The following INSC variants were observed in gnomAD, a reference collection of about 807,000 sequenced individuals.
INSC encodes the protein INSC spindle orientation adaptor protein, also known as protein inscuteable homolog.
Under a neutral mutation model 58.6 loss-of-function variants are expected in INSC, and 67 were observed. The ratio of observed to expected loss-of-function variants is 1.14; its 90% confidence interval spans 0.94 to 1.40. The LOEUF (loss-of-function observed/expected upper bound fraction) is 1.40, where lower values mean the gene tolerates loss of function less well. Ranked by LOEUF, INSC falls within the 40% of genes most tolerant of loss-of-function variation. The pLI, the probability that INSC is intolerant of heterozygous loss-of-function variation, is 0.00. For missense variants in INSC, 714 were observed against 692.0 expected (o/e 1.03, Z -0.36); for synonymous variants, 262 against 276.1 (o/e 0.95, Z 0.51).
At chr11:15,265,592 T>A in the INSC span, among the ~76,000 whole-genome samples, 1 of 151,848 alleles carries the variant, frequency 6.6e-6, no homozygotes, top group Admixed American at 6.6e-5. Flanking sequence ...TTTATTACCT[T>A]TTAAATTCTA....
intron 4 of INSC, among the ~76,000 whole-genome samples, 163 bp downstream of exon 4, chr11:15,177,326 A>C (rs780126744): frequency 2.0e-5 from 3 of 152,066 alleles, no homozygotes; most frequent in Admixed American, 6.5e-5. Context: ...TATTCTCTTG[A>C]AATTTTCTGC....
Position 15,239,994 on chromosome 11 carries a change from T to C in INSC, c.1394-453T>C, listed in dbSNP as rs775787458. ...ACACAGACTGCATTTGCATACCTTC[T>C]ACTACTATCGTATAATGAGGGTGTC... On this transcript the variant is annotated intron_variant, in intron 11 of 12. Coordinates refer to ENST00000379556, the MANE Select transcript of INSC (RefSeq NM_001042536.3). 2.6e-5 allele frequency among the ~76,000 whole-genome samples: 4 copies of C among 152,324 alleles called. No homozygotes were observed. The South Asian group carries it at 8.3e-4, about 32-fold the overall frequency.
downstream of INSC, among the ~76,000 whole-genome samples, chr11:15,249,757 G>A (rs1168605443): frequency 6.6e-6 from 1 of 152,180 alleles, no homozygotes; most frequent in African/African-American, 2.4e-5. Context: ...CCTTGGCTCT[G>A]CCGCATGGTT....
At chr11:15,219,334 T>C (rs1482759209) in intron 7 of INSC, among the ~76,000 whole-genome samples, 1 of 152,182 alleles carries the variant, frequency 6.6e-6, no homozygotes, top group Non-Finnish European at 1.5e-5. Flanking sequence ...GTCTCCCAAC[T>C]GAGGCGTGTT....
chr11:15,136,344 C>G (rs1257721407), intron 1 of INSC, among the ~76,000 whole-genome samples: 1 of 152,056 alleles, frequency 6.6e-6, no homozygotes, highest in Non-Finnish European at 1.5e-5. Context: ...ATGTTGATGT[C>G]TGCTGACTAA....
intron 1 of INSC, among the ~76,000 whole-genome samples, chr11:15,124,383 C>T (rs972868418): frequency 1.3e-5 from 2 of 152,186 alleles, no homozygotes; most frequent in African/African-American, 2.4e-5. Context: ...CTGGCTTCCC[C>T]TCTTTCATTG....
intron 7 of INSC, among the ~76,000 whole-genome samples, chr11:15,219,640 G>A (rs1161688705): frequency 2.0e-5 from 3 of 152,182 alleles, no homozygotes; most frequent in Admixed American, 2.0e-4. Flanking sequence ...ATTAGGGCAA[G>A]TTACTGGTTT....
intron 1 of INSC, among the ~76,000 whole-genome samples, chr11:15,123,336 G>C (rs937125755): frequency 1.3e-5 from 2 of 152,124 alleles, no homozygotes; most frequent in Non-Finnish European, 2.9e-5. Context: ...GTGAGTGTTG[G>C]AACCATGTCT....
intron 7 of INSC, among the ~76,000 whole-genome samples, chr11:15,211,806 C>A (rs906842929): frequency 7.3e-5 from 11 of 151,690 alleles, no homozygotes; most frequent in African/African-American, 1.9e-4. Flanking sequence ...TGAAGTGATA[C>A]CTTTTTCTTT....
intron 1 of INSC, 44 bp from the exon 2 acceptor site, chr11:15,149,086 C>A (rs1163433930): frequency 6.6e-7 from 1 of 1,510,048 alleles, no homozygotes; most frequent in Non-Finnish European, 8.9e-7. Flanking sequence ...GATTGTGCCT[C>A]CTCTTTTAGG....
rs1850126080 is a variant in INSC at position 15,190,555 on chromosome 11, A to T, written c.580-146A>T. The T allele has an allele frequency of 2.1e-5, 14 of 682,066 alleles. No homozygotes were observed. The South Asian group carries it at 2.4e-4, about 11-fold the overall frequency. 42.3% of individuals were successfully genotyped at this position (682,066 alleles called of 1,614,324 possible). On this transcript the variant is annotated intron_variant, in intron 5 of 12. Transcript: ENST00000379556. ...ATACCTTTCCCAAAGCTAGAACTTC[A>T]TTGCACTCACAATGAGGCAGTAGCT...
the INSC span, among the ~76,000 whole-genome samples, chr11:15,252,211 T>C: frequency 2.1e-4 from 32 of 152,170 alleles, no homozygotes; most frequent in African/African-American, 7.7e-4. Context: ...TTAGTTGTTG[T>C]CAGGGGATTT....
At chr11:15,176,735 T>G (rs1020142754) in intron 3 of INSC, among the ~76,000 whole-genome samples, 1 of 152,216 alleles carries the variant, frequency 6.6e-6, no homozygotes, top group South Asian at 2.1e-4. Context: ...AAAATCTCCC[T>G]TGTTATTAAT....
rs149556454 is a variant in INSC, at chr11:15,239,592, C to A, written c.1393+518C>A. On this transcript the variant is annotated intron_variant, in intron 11 of 12. Coordinates refer to ENST00000379556, the MANE Select transcript of INSC (RefSeq NM_001042536.3). ...ACCCTATGCTAAGCTCTGTTCTGAGCGCTGGGCATGTAACACTGGATATGA... is the reference window on the plus strand; with the variant it reads ...ACCCTATGCTAAGCTCTGTTCTGAGAGCTGGGCATGTAACACTGGATATGA... 9.9e-4 allele frequency among the ~76,000 whole-genome samples: 150 copies of A among 152,250 alleles called. 1 individual carries two copies. The highest frequency in any genetic ancestry group is 3.4e-3 in the African/African-American group (142 of 41,548).
At chr11:15,126,279 T>C (rs545184742) in intron 1 of INSC, among the ~76,000 whole-genome samples, 3 of 151,866 alleles carry the variant, frequency 2.0e-5, no homozygotes, top group African/African-American at 7.3e-5. Context: ...AGGCTAGGAG[T>C]ACTTCTGGGG....
rs1852563537 is a variant in INSC at position 15,246,296 on chromosome 11, TA to T, written c.*257del. ...AGATGTTGAAATTCGTAATGACAAA[TA>T]TGACAAATTGTCATGGGTGATTCCA... On this transcript the variant is annotated 3_prime_UTR_variant, in exon 13 of 13. Transcript: ENST00000379556. The T allele has an allele frequency of 3.3e-6, 1 of 302,418 alleles. No individual in the cohort carries two copies. Among genetic ancestry groups the T allele is most frequent in the Non-Finnish European group, 6.2e-6 (1 of 160,298 alleles). 18.7% of individuals were successfully genotyped at this position (302,418 alleles called of 1,614,324 possible).
chr11:15,190,673 A>G lies in INSC; in HGVS notation c.580-28A>G, dbSNP rs201907390. On this transcript the variant is annotated intron_variant, in intron 5 of 12. Coordinates refer to ENST00000379556, the MANE Select transcript of INSC (RefSeq NM_001042536.3). ...CAGAGGGTAGAGGTGGTGAGTAACT[A>G]CTAGCTAACTTTTCTCTCTCTTCTT... 62 of 1,494,712 alleles carry G rather than the reference A, an allele frequency of 4.1e-5. No individual in the cohort carries two copies. The African/African-American group carries it at 7.3e-4, about 18-fold the overall frequency. 92.6% of individuals were successfully genotyped at this position (1,494,712 alleles called of 1,614,324 possible).
intron 2 of INSC, among the ~76,000 whole-genome samples, chr11:15,155,605 G>T (rs559816352): frequency 6.6e-6 from 1 of 152,148 alleles, no homozygotes; most frequent in East Asian, 1.9e-4. Flanking sequence ...GGCCCATTTG[G>T]GGTGCTTAGT....
the INSC span, among the ~76,000 whole-genome samples, chr11:15,261,458 C>T: frequency 1.3e-5 from 2 of 152,120 alleles, no homozygotes; most frequent in African/African-American, 4.8e-5. Flanking sequence ...ACATAAACTC[C>T]ATAATCTTTG....
Sources: gnomAD v4.1 joint callset for allele counts (sites outside exome capture counted in the v4.1 genomes callset) on GRCh38, gnomAD v4.1.1 for gene constraint, MANE v1.5 for transcripts, NCBI Gene and HGNC (gene_info 2026-07-23, HGNC 2026-07-21) for gene names.